Variants in RBM39 observed in about 807,000 individuals in gnomAD.
RBM39 encodes RNA binding motif protein 39, also known as RNA-binding protein 39.
In RBM39, 12 loss-of-function variants were observed where a neutral mutation model predicts 79.6. The ratio of observed to expected loss-of-function variants is 0.15; its 90% CI spans 0.10 to 0.24. The LOEUF (loss-of-function observed/expected upper bound fraction) is 0.24, where lower values mean the gene tolerates loss of function less well. Among genes scored for constraint, RBM39 ranks in the 10% least tolerant of loss-of-function variants. The pLI is 1.00. For synonymous variants in RBM39, 185 were observed against 208.4 expected, an observed-to-expected ratio of 0.89 and a Z score of 0.97; for missense variants, 243 against 653.4, an observed-to-expected ratio of 0.37 and a Z score of 6.85.
intron 9 of RBM39, among the ~76,000 whole-genome samples, chr20:35,720,741 C>T (rs893888018): frequency 6.6e-6 from 1 of 152,096 alleles, no homozygotes; most frequent in Admixed American, 6.5e-5. Flanking sequence ...CACTGCACTC[C>T]AGCCTGGGCA....
intron 9 of RBM39, 90 bp from the exon 10 acceptor site, chr20:35,716,895 C>A: frequency 1.3e-6 from 1 of 782,686 alleles, no homozygotes; most frequent in Admixed American, 2.6e-5. Flanking sequence ...ATCTACCAGT[C>A]TCCTCATCCT....
chr20:35,721,651 GA>G (rs1313347518), intron 9 of RBM39, 88 bp downstream of exon 9: 12 of 1,440,816 alleles, frequency 8.3e-6, no homozygotes, highest in Non-Finnish European at 1.0e-5. Flanking sequence ...TTAACTCACA[GA>G]AAGATAACAA....
intron 9 of RBM39, among the ~76,000 whole-genome samples, chr20:35,719,548 G>C (rs2037629798): frequency 6.6e-6 from 1 of 151,782 alleles, no homozygotes; most frequent in African/African-American, 2.4e-5. Flanking sequence ...GTTGTGGTCA[G>C]AGCCTGTAAT....
Position 35,705,437 on chromosome 20 carries a change from T to TG in RBM39, c.1308-108dup, listed in dbSNP as rs148081811. 2.9e-3 allele frequency: 1,997 copies of TG among 679,212 alleles called. 23 individuals are homozygous for TG. In the African/African-American group the frequency reaches 0.034, roughly 12 times the overall value. 42.1% of individuals were successfully genotyped at this position (679,212 alleles called of 1,614,324 possible). On this transcript the variant is annotated intron_variant, in intron 14 of 16. Coordinates refer to ENST00000253363, the MANE Select transcript of RBM39 (RefSeq NM_184234.3). ...ATTCTATGAATTAAAAAAAATACTTTGGAAAAAAAGCACATTGACAGAACG... is the reference window on the plus strand; with the variant it reads ...ATTCTATGAATTAAAAAAAATACTTTGGGAAAAAAAGCACATTGACAGAACG...
At chr20:35,705,052 A>C in intron 15 of RBM39, 173 bp downstream of exon 15, 1 of 605,004 alleles carries the variant, frequency 1.7e-6, no homozygotes, top group Non-Finnish European at 2.9e-6. Flanking sequence ...ATTGTTACTG[A>C]TTTTCTTTTA....
At chr20:35,734,717 C>T in intron 3 of RBM39, 1 of 932,066 alleles carries the variant, frequency 1.1e-6, no homozygotes, top group Non-Finnish European at 1.4e-6. Flanking sequence ...CAACCCCAGG[C>T]AGGTAAAAAG....
At chr20:35,704,644 G>T (rs181017465) in intron 16 of RBM39, 24 bp downstream of exon 16, 5 of 1,612,140 alleles carry the variant, frequency 3.1e-6, no homozygotes, top group Admixed American at 1.7e-5. Flanking sequence ...ATAACAATCA[G>T]TCAAAAAATA....
intron 8 of RBM39, among the ~76,000 whole-genome samples, chr20:35,722,569 A>C (rs1174874732): frequency 6.8e-6 from 1 of 147,880 alleles, no homozygotes; most frequent in Admixed American, 6.9e-5. Context: ...ACTGCCAGGG[A>C]CTACAGCACA....
chr20:35,707,929 A>T, intron 13 of RBM39: 1 of 466,594 alleles, frequency 2.1e-6, no homozygotes, highest in South Asian at 1.6e-5. Context: ...AGTAGCTGTT[A>T]CAGAACTCAC....
In RBM39 at chr20:35,721,171, T is replaced by C. The variant is rs530880213; in HGVS notation, c.825+569A>G. On this transcript the variant is annotated intron_variant, in intron 9 of 16. Coordinates refer to ENST00000253363, the MANE Select transcript of RBM39 (RefSeq NM_184234.3). ...GGCCAGGATGGTCTTGATCTCATAA[T>C]CTGCCCACCTCGGCCTCCCTCCCAA... Among the ~76,000 whole-genome samples, 19 of 152,260 alleles carry C rather than the reference T, an allele frequency of 1.2e-4. No individual in the cohort carries two copies. The South Asian group carries it at 3.9e-3, about 32-fold the overall frequency.
intron 12 of RBM39, chr20:35,710,462 A>AT (rs1238630581): frequency 6.6e-6 from 1 of 152,118 alleles, no homozygotes; most frequent in Non-Finnish European, 1.5e-5. Context: ...AATCCATGCT[A>AT]TTTTGTCTAC....
intron 15 of RBM39, 188 bp from the exon 16 acceptor site, chr20:35,704,934 G>A (rs1054288349): frequency 1.7e-5 from 10 of 605,736 alleles, no homozygotes; most frequent in African/African-American, 1.1e-4. Flanking sequence ...CAAATTTGCC[G>A]TTTTATCTTT....
chr20:35,715,338 T>A (rs756061506), intron 10 of RBM39, among the ~76,000 whole-genome samples: 1 of 152,014 alleles, frequency 6.6e-6, no homozygotes, highest in Non-Finnish European at 1.5e-5. Flanking sequence ...CCACGCCCGG[T>A]TAATTTTTTA....
chr20:35,717,863 C>CT (rs56755932), intron 9 of RBM39, among the ~76,000 whole-genome samples: 17,280 of 146,598 alleles, frequency 0.12, 2,137 homozygotes, highest in African/African-American at 0.32. Context: ...AAGAAAGGAA[C>CT]TTTTTTTTTT....
chr20:35,706,510 G>C (rs1227217497), intron 14 of RBM39, among the ~76,000 whole-genome samples: 1 of 151,938 alleles, frequency 6.6e-6, no homozygotes, highest in African/African-American at 2.4e-5. Context: ...TATTGAAATC[G>C]AAACAAAAAT....
rs569260772 is a variant in RBM39, at chr20:35,711,364, G to A, written c.1174+1655C>T. On this transcript the variant is annotated intron_variant, in intron 12 of 16. Transcript: ENST00000253363. ...GGTAATGAGTTTACTATCAATTAGA[G>A]CAAGTAGCAATCGACAATTACTCAC... Among the ~76,000 whole-genome samples the A allele has an allele frequency of 3.3e-5, 5 of 152,162 alleles. No homozygotes were observed. The East Asian group carries it at 7.7e-4, about 24-fold the overall frequency.
At chr20:35,739,310 G>A (rs2040296315) in intron 2 of RBM39, 2 of 462,340 alleles carry the variant, frequency 4.3e-6, no homozygotes, top group Non-Finnish European at 8.4e-6. Flanking sequence ...TTACAATGTT[G>A]AAGTGGTTAA....
rs1239113037 is a variant in RBM39 at position 35,705,343 on chromosome 20, A to G, written c.1308-13T>C. On this transcript the variant is annotated splice_polypyrimidine_tract_variant and intron_variant, in intron 14 of 16. Transcript: ENST00000253363. ...AACTTCTTCTTCTCTGTAAGAAAGT[A>G]TTAAGGACTCTTAAATACTATTGAA... 1 of 1,427,158 alleles carries G rather than the reference A, an allele frequency of 7.0e-7. No homozygotes were observed. The highest frequency in any genetic ancestry group is 9.7e-7 in the Non-Finnish European group (1 of 1,026,658). The allele number at this position is 1,427,158 out of a possible 1,614,324, so 88.4% of individuals were successfully genotyped here.
chr20:35,737,534 T>C (rs2040067612), intron 3 of RBM39, among the ~76,000 whole-genome samples: 1 of 150,564 alleles, frequency 6.6e-6, no homozygotes, highest in South Asian at 2.1e-4. Flanking sequence ...CGCTCCAGCC[T>C]GGGTGACAAA....
Sources: gnomAD v4.1 joint callset for allele counts (sites outside exome capture counted in the v4.1 genomes callset) on GRCh38, gnomAD v4.1.1 for gene constraint, MANE v1.5 for transcripts, NCBI Gene and HGNC (gene_info 2026-07-23, HGNC 2026-07-21) for gene names.